Variants in DKK4 observed in about 807,000 individuals in gnomAD.
DKK4 encodes the protein dickkopf Wnt signaling pathway inhibitor 4, also known as dickkopf-related protein 4.
A neutral mutation model predicts 14.5 loss-of-function variants in DKK4; 15 were observed. The observed-to-expected ratio is 1.03, with a 90% CI of 0.69 to 1.59. The LOEUF (loss-of-function observed/expected upper bound fraction) is 1.59. Among genes scored for constraint, DKK4 ranks in the 40% most tolerant of loss-of-function variants. The pLI is 0.00. For missense variants in DKK4, 272 were observed against 280.3 expected (o/e 0.97, Z 0.21); for synonymous variants, 89 against 105.2 (o/e 0.85, Z 0.94).
Position 42,374,255 on chromosome 8 carries a change from G to A in DKK4, c.520C>T (p.Gln174Ter). The A allele has an allele frequency of 6.2e-7, 1 of 1,612,132 alleles. No homozygotes were observed. The highest frequency in any genetic ancestry group is 8.5e-7 in the Non-Finnish European group (1 of 1,178,976). Residue 174 changes from glutamine to a stop codon, truncating the protein, a stop_gained, in exon 4 of 4, where the codon CAG (glutamine) becomes TAG (stop). Coordinates refer to ENST00000220812, the MANE Select transcript of DKK4 (RefSeq NM_014420.3). LOFTEE classifies it low-confidence loss of function (END_TRUNC). ...KICKPVLLEG[Q>*]VCSRRGHKDT... ...TTATGCCCTCTTCTGGAGCAGACCT[G>A]TCCCTCCAAAAGGACTGGCTTACAA...
At chr8:42,389,250 A>G in the DKK4 span, among the ~76,000 whole-genome samples, 1 of 152,224 alleles carries the variant, frequency 6.6e-6, no homozygotes, top group African/African-American at 2.4e-5. Context: ...GCCTGGATAC[A>G]TTATTTGATT....
At chr8:42,374,483 G>A (rs1310539595) in intron 3 of DKK4, 124 bp from the exon 4 acceptor site, 5 of 1,314,910 alleles carry the variant, frequency 3.8e-6, no homozygotes, top group South Asian at 2.6e-5. Context: ...GACACAGCAC[G>A]CAGGTCTCAC....
At chr8:42,389,247 T>C in the DKK4 span, among the ~76,000 whole-genome samples, 1 of 152,224 alleles carries the variant, frequency 6.6e-6, no homozygotes, top group South Asian at 2.1e-4. Flanking sequence ...CCGGCCTGGA[T>C]ACATTATTTG....
rs757439121 is a variant in DKK4 at position 42,377,068 on chromosome 8, A to G, written c.-23T>C. ...CATCCTTCAATCCCGGGGCTCCTGG[A>G]GGGTCCCAGCACTGTGCGTCACCAA... On this transcript the variant is annotated 5_prime_UTR_variant, in exon 1 of 4. Coordinates refer to ENST00000220812, the MANE Select transcript of DKK4 (RefSeq NM_014420.3). 28 of 1,603,014 alleles carry G rather than the reference A, an allele frequency of 1.7e-5. No individual in the cohort carries two copies. The highest frequency in any genetic ancestry group is 2.4e-5 in the Non-Finnish European group (28 of 1,174,090).
the DKK4 span, among the ~76,000 whole-genome samples, chr8:42,383,520 C>A: frequency 6.6e-6 from 1 of 152,252 alleles, no homozygotes; most frequent in Non-Finnish European, 1.5e-5. Flanking sequence ...GTGCAGGGAA[C>A]CTCCCTTTCC....
chr8:42,375,595 G>C, intron 2 of DKK4, 85 bp downstream of exon 2: 2 of 1,520,808 alleles, frequency 1.3e-6, no homozygotes, highest in South Asian at 2.4e-5. Context: ...CACCATTAGA[G>C]AGTGCCTACC....
the DKK4 span, among the ~76,000 whole-genome samples, chr8:42,383,525 C>CTG: frequency 6.6e-6 from 1 of 152,252 alleles, no homozygotes; most frequent in Non-Finnish European, 1.5e-5. Flanking sequence ...GGGAACCTCC[C>CTG]TTTCCAGCAG....
the DKK4 span, among the ~76,000 whole-genome samples, chr8:42,386,400 CA>C: frequency 6.6e-6 from 1 of 152,116 alleles, no homozygotes; most frequent in Admixed American, 6.5e-5. Flanking sequence ...CAAATATTAT[CA>C]GAACCCATGG....
chr8:42,383,984 C>T, the DKK4 span, among the ~76,000 whole-genome samples: 2 of 152,030 alleles, frequency 1.3e-5, no homozygotes, highest in Admixed American at 6.5e-5. Flanking sequence ...TTGTGCCTTC[C>T]TAGGTCCTAA....
upstream of DKK4, among the ~76,000 whole-genome samples, chr8:42,378,875 G>A (rs533663203): frequency 6.7e-6 from 1 of 150,230 alleles, no homozygotes; most frequent in South Asian, 2.1e-4. Context: ...GGGAGGCCAA[G>A]GTGGGAAGAT....
At chr8:42,389,886 T>A in the DKK4 span, among the ~76,000 whole-genome samples, 1 of 150,062 alleles carries the variant, frequency 6.7e-6, no homozygotes, top group Non-Finnish European at 1.5e-5. Context: ...ACGTACACTA[T>A]CCTTAGAATT....
chr8:42,390,429 T>C, the DKK4 span, among the ~76,000 whole-genome samples: 1 of 142,772 alleles, frequency 7.0e-6, no homozygotes, highest in East Asian at 2.2e-4. Context: ...AGTGGCGCGA[T>C]CTCGGCTCAC....
chr8:42,386,207 A>G, the DKK4 span, among the ~76,000 whole-genome samples: 1 of 151,978 alleles, frequency 6.6e-6, no homozygotes, highest in Non-Finnish European at 1.5e-5. Context: ...CTCCCGCCTC[A>G]GCCTCCCAAG....
In DKK4 at chr8:42,374,791, G is replaced by A. The variant is rs1057009458; in HGVS notation, c.385C>T (p.Pro129Ser). 5 of 1,614,152 alleles carry A rather than the reference G, an allele frequency of 3.1e-6. No individual in the cohort carries two copies. The Admixed American group carries it at 5.0e-5, about 16-fold the overall frequency. Reference sequence around the variant, plus strand: ...CTGCCTTGTGATTTCTTAATACTTGGCTTCCTTTTGGGTTGGTTTTCCTGG... The same window carrying A: ...CTGCCTTGTGATTTCTTAATACTTGACTTCCTTTTGGGTTGGTTTTCCTGG... ...PVQENQPKRK[P>S]SIKKSQGRKG... Residue 129 changes from proline (P) to serine (S), a missense_variant, in exon 3 of 4, where the codon CCA (proline) becomes TCA (serine). By Grantham distance (74) the Pro-to-Ser change is moderately conservative. Transcript: ENST00000220812.
chr8:42,376,664 G>A (rs904241261), intron 1 of DKK4, among the ~76,000 whole-genome samples: 2 of 152,120 alleles, frequency 1.3e-5, no homozygotes, highest in African/African-American at 2.4e-5. Context: ...TAAAAGAGCT[G>A]GCACATAGTA....
chr8:42,382,574 C>T, the DKK4 span, among the ~76,000 whole-genome samples: 2 of 152,236 alleles, frequency 1.3e-5, no homozygotes, highest in East Asian at 1.9e-4. Flanking sequence ...CTGAGCGGCA[C>T]CTGGAGCCGT....
the DKK4 span, among the ~76,000 whole-genome samples, chr8:42,384,534 G>A: frequency 2.6e-5 from 4 of 152,056 alleles, no homozygotes; most frequent in African/African-American, 2.4e-5. Context: ...CTGGCTCAGC[G>A]GGTGTGATCT....
At chr8:42,385,550 G>A in the DKK4 span, among the ~76,000 whole-genome samples, 1 of 152,080 alleles carries the variant, frequency 6.6e-6, no homozygotes, top group Admixed American at 6.5e-5. Flanking sequence ...TGGGAGGGGA[G>A]TTTGTCACCT....
upstream of DKK4, among the ~76,000 whole-genome samples, chr8:42,381,406 C>T (rs189788186): frequency 4.6e-5 from 7 of 152,286 alleles, no homozygotes; most frequent in Admixed American, 1.3e-4. Context: ...GTGTCTTCCA[C>T]GAACCAGGCT....
Sources: allele counts gnomAD v4.1 joint callset (sites outside exome capture counted in the v4.1 genomes callset), GRCh38; gene constraint gnomAD v4.1.1; transcripts MANE v1.5; gene names NCBI Gene and HGNC (gene_info 2026-07-23, HGNC 2026-07-21).